The following DAB1 variants were observed in gnomAD, a reference collection of about 807,000 sequenced individuals.
DAB1 encodes disabled homolog 1.
DAB1 carries 15 observed loss-of-function variants against 64.6 expected under a neutral mutation model. That is an observed-to-expected ratio of 0.23 (90% CI 0.16 to 0.36). The LOEUF (loss-of-function observed/expected upper bound fraction) is 0.36. Ranked by LOEUF, DAB1 falls within the 10% of genes least tolerant of loss-of-function variation. The probability of loss-of-function intolerance (pLI) is 1.00; values close to 1 mark genes in which losing one functional copy is unlikely to be tolerated. For missense variants in DAB1, 596 were observed against 706.7 expected (o/e 0.84, Z 1.78); for synonymous variants, 235 against 251.9 (o/e 0.93, Z 0.64).
At chr1:57,930,033 A>C (rs1644933125) in intron 5 of DAB1, among the ~76,000 whole-genome samples, 1 of 152,198 alleles carries the variant, frequency 6.6e-6, no homozygotes. Flanking sequence ...TGAATTTTAC[A>C]TTTAGGTCTG....
At chr1:57,053,478 C>A (rs893178689) in intron 9 of DAB1, among the ~76,000 whole-genome samples, 2 of 151,254 alleles carry the variant, frequency 1.3e-5, no homozygotes, top group African/African-American at 2.4e-5. Flanking sequence ...GAACTCCTGG[C>A]CCCAAGAGAT....
At chr1:58,373,513 T>C (rs2100538229) in intron 3 of DAB1, among the ~76,000 whole-genome samples, 1 of 151,616 alleles carries the variant, frequency 6.6e-6, no homozygotes, top group South Asian at 2.1e-4. Context: ...CATCATTTCT[T>C]ACGGCTGCAT....
Position 58,225,169 on chromosome 1 carries a change from C to T in DAB1, n.310-74581G>A, listed in dbSNP as rs1219433734. Among the ~76,000 whole-genome samples, 17 of 152,000 alleles carry T rather than the reference C, an allele frequency of 1.1e-4. No homozygotes were observed. The East Asian group carries it at 2.7e-3, about 24-fold the overall frequency. ...GGGCGAAGGATATGAACAGACACTT[C>T]GCAAAAGAAGACATTTATGCAGCCA... On this transcript the variant is annotated intron_variant and non_coding_transcript_variant, in intron 4 of 20. Coordinates refer to the DAB1 transcript ENST00000485760.
intron 5 of DAB1, among the ~76,000 whole-genome samples, chr1:58,066,806 C>T (rs1385652252): frequency 5.3e-5 from 8 of 152,182 alleles, no homozygotes; most frequent in African/African-American, 1.9e-4. Flanking sequence ...ACTGGAATCA[C>T]TTCTTTTTTG....
chr1:57,439,418 G>GTTTTTTTTTTTTTTTTTTTTT lies in DAB1; in HGVS notation n.626-148253_626-148252insAAAAAAAAAAAAAAAAAAAAA. Among the ~76,000 whole-genome samples the GTTTTTTTTTTTTTTTTTTTTT allele has an allele frequency of 8.9e-4, 103 of 116,092 alleles. 12 individuals are homozygous for GTTTTTTTTTTTTTTTTTTTTT. Among genetic ancestry groups the GTTTTTTTTTTTTTTTTTTTTT allele is most frequent in the African/African-American group, 2.8e-3 (78 of 28,248 alleles). 76.2% of individuals were successfully genotyped at this position (116,092 alleles called of 152,430 possible). On this transcript the variant is annotated intron_variant and non_coding_transcript_variant, in intron 7 of 20. Transcript: ENST00000485760. ...GCCATGCCATCAACTTGGTGATGAGGTTTTTTCTTTTTTTTTTTTTTTTTT... is the reference window on the plus strand; with the variant it reads ...GCCATGCCATCAACTTGGTGATGAGGTTTTTTTTTTTTTTTTTTTTTTTTTTTCTTTTTTTTTTTTTTTTTT...
At chr1:58,065,898 A>G (rs765445645) in intron 5 of DAB1, among the ~76,000 whole-genome samples, 1 of 152,188 alleles carries the variant, frequency 6.6e-6, no homozygotes, top group Non-Finnish European at 1.5e-5. Flanking sequence ...GATGAAGGCT[A>G]TCAGAGGAAG....
intron 5 of DAB1, among the ~76,000 whole-genome samples, chr1:58,125,665 T>A (rs1160923321): frequency 6.6e-6 from 1 of 152,124 alleles, no homozygotes; most frequent in Non-Finnish European, 1.5e-5. Context: ...AGGCTGGTCT[T>A]GAACTCCTAG....
chr1:57,965,945 G>A (rs1399401784), intron 5 of DAB1, among the ~76,000 whole-genome samples: 2 of 152,040 alleles, frequency 1.3e-5, no homozygotes, highest in Admixed American at 6.6e-5. Context: ...TGGCGGGGGG[G>A]GAGAGGAAAT....
chr1:57,051,185 T>C (rs1283318975), intron 9 of DAB1, among the ~76,000 whole-genome samples: 1 of 152,218 alleles, frequency 6.6e-6, no homozygotes, highest in African/African-American at 2.4e-5. Flanking sequence ...GGGACAACCT[T>C]ATATTTCATT....
At chr1:57,649,721 C>T (rs994293401) in intron 6 of DAB1, 1 of 152,158 alleles carries the variant, frequency 6.6e-6, no homozygotes, top group Non-Finnish European at 1.5e-5. Flanking sequence ...ATTTAATGGT[C>T]TTGTTTTTCT....
At chr1:57,024,108 T>C (rs890544048) in intron 10 of DAB1, among the ~76,000 whole-genome samples, 1 of 152,180 alleles carries the variant, frequency 6.6e-6, no homozygotes, top group Admixed American at 6.5e-5. Context: ...CAATGAGCAG[T>C]TGTTGACTAA....
intron 4 of DAB1, among the ~76,000 whole-genome samples, chr1:58,319,985 T>G (rs1261107160): frequency 6.6e-6 from 1 of 152,220 alleles, no homozygotes; most frequent in Admixed American, 6.5e-5. Flanking sequence ...TTTCCATGGC[T>G]GAGGAAATTG....
At chr1:57,776,714 G>A (rs976732293) in intron 6 of DAB1, among the ~76,000 whole-genome samples, 13 of 151,688 alleles carry the variant, frequency 8.6e-5, no homozygotes, top group Non-Finnish European at 1.3e-4. Context: ...TGTAATGTAA[G>A]AATATTACAA....
chr1:57,958,526 C>T (rs909162965), intron 5 of DAB1, among the ~76,000 whole-genome samples: 9 of 152,200 alleles, frequency 5.9e-5, no homozygotes, highest in African/African-American at 2.2e-4. Context: ...TCTCACCTAC[C>T]TCTTGAGTAA....
intron 5 of DAB1, among the ~76,000 whole-genome samples, chr1:57,924,491 G>A (rs1044616959): frequency 1.3e-5 from 2 of 151,954 alleles, no homozygotes; most frequent in South Asian, 4.2e-4. Context: ...AGACAGTCTC[G>A]CTTTGTTGCC....
chr1:58,321,330 G>A (rs1001256743), intron 4 of DAB1, among the ~76,000 whole-genome samples: 14 of 152,200 alleles, frequency 9.2e-5, no homozygotes, highest in African/African-American at 3.1e-4. Flanking sequence ...CCAGTCTGCA[G>A]CTCCCAAGGT....
chr1:57,761,997 T>C (rs1394290210), intron 6 of DAB1, among the ~76,000 whole-genome samples: 1 of 152,182 alleles, frequency 6.6e-6, no homozygotes, highest in Non-Finnish European at 1.5e-5. Flanking sequence ...AAATGCTTGG[T>C]ATCAGCTGCC....
rs372373599 is a variant in DAB1, at chr1:57,298,887, A to G, written c.-136-7721T>C. On this transcript the variant is annotated intron_variant, in intron 1 of 14. Transcript: ENST00000371236. ...AGAAAAGATCAGTTACAATTTCACA[A>G]AGTCTATAGAACTTTTTTTCCCTTT... Among the ~76,000 whole-genome samples, 18 of 152,344 alleles carry G rather than the reference A, an allele frequency of 1.2e-4. 1 individual carries two copies. The East Asian group carries it at 2.5e-3, about 21-fold the overall frequency.
At chr1:57,573,870 G>A (rs1645219431) in intron 7 of DAB1, among the ~76,000 whole-genome samples, 1 of 152,174 alleles carries the variant, frequency 6.6e-6, no homozygotes, top group African/African-American at 2.4e-5. Flanking sequence ...CTCCATAAAT[G>A]TGATAAATTA....
Sources: allele counts gnomAD v4.1 joint callset (sites outside exome capture counted in the v4.1 genomes callset), GRCh38; gene constraint gnomAD v4.1.1; transcripts MANE v1.5; gene names NCBI Gene and HGNC (gene_info 2026-07-23, HGNC 2026-07-21).